The following SMARCAL1 variants were observed in gnomAD, a reference collection of about 807,000 sequenced individuals.
The protein encoded by SMARCAL1 is SNF2 related chromatin remodeling annealing helicase 1, also known as ATP-driven annealing helicase.
In SMARCAL1, 58 loss-of-function variants were observed where a neutral mutation model predicts 94.5. The observed-to-expected ratio is 0.61, with a 90% CI of 0.50 to 0.76. SMARCAL1 has a LOEUF of 0.76. Ranked by LOEUF, SMARCAL1 falls within the 30% of genes least tolerant of loss-of-function variation. SMARCAL1 has a pLI of 0.00. For synonymous variants in SMARCAL1, 422 were observed against 455.1 expected, an observed-to-expected ratio of 0.93 and a Z score of 0.93; for missense variants, 1,051 against 1,177.9, an observed-to-expected ratio of 0.89 and a Z score of 1.58.
intron 10 of SMARCAL1, among the ~76,000 whole-genome samples, chr2:216,441,095 A>G (rs1210979572): frequency 2.0e-5 from 3 of 152,278 alleles, no homozygotes; most frequent in Non-Finnish European, 4.4e-5. Context: ...TTCCTCTAAT[A>G]TGAACATCTC....
At chr2:216,442,416 CAAAAAA>C (rs375677725) in intron 10 of SMARCAL1, among the ~76,000 whole-genome samples, 2 of 88,762 alleles carry the variant, frequency 2.3e-5, no homozygotes, top group Non-Finnish European at 4.9e-5. Flanking sequence ...GACTCTGTCT[CAAAAAA>C]AAAAAAAAAA....
intron 17 of SMARCAL1, among the ~76,000 whole-genome samples, chr2:216,479,952 T>A (rs1225874212): frequency 6.6e-6 from 1 of 152,154 alleles, no homozygotes; most frequent in African/African-American, 2.4e-5. Flanking sequence ...CTCAGGAGAC[T>A]GAGGCAGGAG....
rs1694335277 is a variant in SMARCAL1, at chr2:216,447,138, C to T, written c.1831C>T (p.Arg611Cys). Residue 611 changes from arginine (R) to cysteine (C), a missense_variant, in exon 11 of 18, where the codon CGC becomes TGC. Arg to Cys is a radical substitution (Grantham distance 180). Transcript: ENST00000357276. ...FFPQFHAFGL[R>C]YCDAKRMPWG... is the part of the protein sequence containing the mutation. ...CCCCCAGTTTCATGCCTTTGGACTT[C>T]GCTACTGTGATGCCAAACGGGTATG... 2.5e-6 allele frequency: 4 copies of T among 1,614,062 alleles called. No individual in the cohort carries two copies. The highest frequency in any genetic ancestry group is 2.5e-6 in the Non-Finnish European group (3 of 1,180,002).
At chr2:216,418,105 A>C (rs1000905372) in intron 4 of SMARCAL1, among the ~76,000 whole-genome samples, 4 of 151,776 alleles carry the variant, frequency 2.6e-5, no homozygotes, top group African/African-American at 9.7e-5. Flanking sequence ...TTTAGTAGAG[A>C]TGGGGCTTCC....
Position 216,475,525 on chromosome 2 carries a change from C to A in SMARCAL1, c.2427+74C>A, listed in dbSNP as rs547988023. 1.1e-3 allele frequency: 1,627 copies of A among 1,494,878 alleles called. 2 individuals are homozygous for A. Among genetic ancestry groups the A allele is most frequent in the Non-Finnish European group, 1.1e-3 (1,175 of 1,072,112 alleles). 92.6% of individuals were successfully genotyped at this position (1,494,878 alleles called of 1,614,324 possible). A position where few individuals can be genotyped will look rare whatever the true frequency, so the allele number is the denominator to read the frequency against. On this transcript the variant is annotated intron_variant, in intron 15 of 17. Coordinates refer to ENST00000357276, the MANE Select transcript of SMARCAL1 (RefSeq NM_014140.4). This position sits in a 1 kb window ranked among gnomAD's most constrained non-coding sequence, Gnocchi z 4.4. ...TGGGCAGGAAGCAGTGAGTGTCGGT[C>A]GGGGAAAGTGTGGTTTCCCTTTTAT...
chr2:216,482,939 T>G lies in SMARCAL1; in HGVS notation c.2827T>G (p.Phe943Val). 1 of 1,614,180 alleles carries G rather than the reference T, an allele frequency of 6.2e-7. No homozygotes were observed. Among genetic ancestry groups the G allele is most frequent in the South Asian group, 1.1e-5 (1 of 91,088 alleles). ...TCCACAGAAGAAAAGGAGATTTGAA[T>G]TTTTTGATAACTGGGACAGCTTTAC... ...ASPQKKRRFE[F>V]FDNWDSFTSP... The change falls in exon 18 of 18, where the codon TTT becomes GTT. Residue 943 changes from phenylalanine (F) to valine (V), a missense_variant. By Grantham distance (50) the Phe-to-Val change is conservative (BLOSUM62 -1). Coordinates refer to ENST00000357276, the MANE Select transcript of SMARCAL1 (RefSeq NM_014140.4). The surrounding 1 kb of genome is among the most constrained non-coding windows in gnomAD (Gnocchi z 4.3).
intron 12 of SMARCAL1, among the ~76,000 whole-genome samples, chr2:216,454,363 A>G (rs1694512370): frequency 6.6e-6 from 1 of 152,196 alleles, no homozygotes; most frequent in Admixed American, 6.5e-5. Context: ...AATACTTACA[A>G]TCAGTAACAT....
intron 10 of SMARCAL1, 40 bp from the exon 11 acceptor site, chr2:216,446,978 C>T: frequency 6.2e-7 from 1 of 1,613,314 alleles, no homozygotes; most frequent in Non-Finnish European, 8.5e-7. Context: ...CTGTGTGCTC[C>T]TCCCTGTGTT....
rs1353324252 is a variant in SMARCAL1, at chr2:216,475,891, T to C, written c.2427+440T>C. Among the ~76,000 whole-genome samples, 1 of 152,036 alleles carries C rather than the reference T, an allele frequency of 6.6e-6. No homozygotes were observed. The highest frequency in any genetic ancestry group is 2.4e-5 in the African/African-American group (1 of 41,400). On this transcript the variant is annotated intron_variant, in intron 15 of 17. Transcript: ENST00000357276. The surrounding 1 kb of genome is among the most constrained non-coding windows in gnomAD (Gnocchi z 4.4). Reference sequence around the variant, plus strand: ...GAAGGAATCTTGACTTCATGTCTCATAGGAGGAAGTTAGGGCACCGAGAGC... The same window carrying C: ...GAAGGAATCTTGACTTCATGTCTCACAGGAGGAAGTTAGGGCACCGAGAGC...
At chr2:216,416,382 G>C (rs1693602688) in intron 4 of SMARCAL1, 75 bp downstream of exon 4, 2 of 1,268,922 alleles carry the variant, frequency 1.6e-6, no homozygotes, top group African/African-American at 1.5e-5. Context: ...ATGTAGTCCA[G>C]CTTATGGAGT....
intron 13 of SMARCAL1, among the ~76,000 whole-genome samples, chr2:216,467,296 C>T (rs911003498): frequency 3.9e-5 from 6 of 151,980 alleles, no homozygotes; most frequent in African/African-American, 1.2e-4. Flanking sequence ...CATGGTGAAA[C>T]CCCATCCCTA....
chr2:216,458,559 T>C (rs1005769638), intron 12 of SMARCAL1, among the ~76,000 whole-genome samples: 1 of 152,160 alleles, frequency 6.6e-6, no homozygotes, highest in African/African-American at 2.4e-5. Context: ...ATCCAGCATA[T>C]AAACAGAACC....
chr2:216,443,013 A>C (rs1033325157), intron 10 of SMARCAL1, among the ~76,000 whole-genome samples: 1 of 152,166 alleles, frequency 6.6e-6, no homozygotes, highest in African/African-American at 2.4e-5. Flanking sequence ...TTCATTACAT[A>C]ATCAGACTTA....
Position 216,482,979 on chromosome 2 carries a change from A to G in SMARCAL1, c.*2A>G. On this transcript the variant is annotated 3_prime_UTR_variant, in exon 18 of 18. Coordinates refer to ENST00000357276, the MANE Select transcript of SMARCAL1 (RefSeq NM_014140.4). This position sits in a 1 kb window ranked among gnomAD's most constrained non-coding sequence, Gnocchi z 4.3. ...GACAGCTTTACGTCTCCCCTGTAAA[A>G]GGGGCAAAAAGAAAAAAATAAAAAG... 6.2e-7 allele frequency: 1 copy of G among 1,612,238 alleles called. No individual in the cohort carries two copies. Among genetic ancestry groups the G allele is most frequent in the Non-Finnish European group, 8.5e-7 (1 of 1,179,608 alleles).
At chr2:216,448,151 T>A (rs1694359850) in intron 11 of SMARCAL1, among the ~76,000 whole-genome samples, 1 of 152,244 alleles carries the variant, frequency 6.6e-6, no homozygotes. Flanking sequence ...TTTTAGCTGG[T>A]TATTGAGGCA....
At chr2:216,481,606 C>T (rs1243239328) in intron 17 of SMARCAL1, among the ~76,000 whole-genome samples, 2 of 151,976 alleles carry the variant, frequency 1.3e-5, no homozygotes, top group African/African-American at 4.8e-5. Context: ...TGGGTTCAAG[C>T]GATTCTTGTG....
chr2:216,441,450 C>T (rs1694194806), intron 10 of SMARCAL1, among the ~76,000 whole-genome samples: 1 of 152,130 alleles, frequency 6.6e-6, no homozygotes, highest in African/African-American at 2.4e-5. Context: ...CCTTTAATCC[C>T]TCCAACAGAA....
intron 6 of SMARCAL1, among the ~76,000 whole-genome samples, chr2:216,426,333 C>T (rs182637596): frequency 6.6e-6 from 1 of 152,200 alleles, no homozygotes; most frequent in Non-Finnish European, 1.5e-5. Context: ...AAAACCATGA[C>T]TTGTGACTCA....
At chr2:216,447,662 C>T (rs1694348649) in intron 11 of SMARCAL1, among the ~76,000 whole-genome samples, 1 of 96,982 alleles carries the variant, frequency 1.0e-5, no homozygotes, top group South Asian at 3.5e-4. Flanking sequence ...GGAAATTCCT[C>T]CCTGTGCAAA....
Sources: allele counts gnomAD v4.1 joint callset (sites outside exome capture counted in the v4.1 genomes callset), GRCh38; gene constraint gnomAD v4.1.1; non-coding constraint Gnocchi (gnomAD v3.1); transcripts MANE v1.5; gene names NCBI Gene and HGNC (gene_info 2026-07-23, HGNC 2026-07-21).